The following ZNF143 variants were observed in gnomAD, a reference collection of about 807,000 sequenced individuals.
ZNF143 encodes the protein SPH-binding factor.
Under a neutral mutation model 74.1 loss-of-function variants are expected in ZNF143, and 49 were observed. The observed-to-expected ratio is 0.66, with a 90% CI of 0.53 to 0.84. The LOEUF (loss-of-function observed/expected upper bound fraction) is 0.84. Among genes scored for constraint, ZNF143 ranks in the 40% least tolerant of loss-of-function variants. The pLI, the probability that ZNF143 is intolerant of heterozygous loss-of-function variation, is 0.00. For synonymous variants in ZNF143, 304 were observed against 282.8 expected (o/e 1.07, Z -0.75); for missense variants, 637 against 793.4 (o/e 0.80, Z 2.37).
intron 3 of ZNF143, among the ~76,000 whole-genome samples, chr11:9,473,122 G>T (rs1277284595): frequency 6.6e-6 from 1 of 152,000 alleles, no homozygotes; most frequent in Non-Finnish European, 1.5e-5. Context: ...CGGGCATGGT[G>T]GTTCACGCCT....
chr11:9,463,277 T>G (rs1455175472), intron 1 of ZNF143, among the ~76,000 whole-genome samples: 1 of 152,226 alleles, frequency 6.6e-6, no homozygotes, highest in Non-Finnish European at 1.5e-5. Flanking sequence ...AGGTTTTCAT[T>G]TCTCTTGGGA....
intron 7 of ZNF143, among the ~76,000 whole-genome samples, chr11:9,491,221 TAAAATG>T (rs1043456084): frequency 2.0e-5 from 3 of 152,066 alleles, no homozygotes; most frequent in African/African-American, 7.2e-5. Flanking sequence ...TCCAGTCTCT[TAAAATG>T]AAACAAGAAA....
chr11:9,500,214 T>C (rs564107385), intron 10 of ZNF143, among the ~76,000 whole-genome samples: 3 of 152,242 alleles, frequency 2.0e-5, no homozygotes, highest in South Asian at 4.1e-4. Context: ...CTCAAAGTGC[T>C]GGGATTACAG....
chr11:9,477,294 C>T (rs576210371), intron 5 of ZNF143, among the ~76,000 whole-genome samples: 45 of 136,428 alleles, frequency 3.3e-4, no homozygotes, highest in African/African-American at 1.3e-3. Context: ...CTTGCTCTGT[C>T]ACCAGGCTGG....
At chr11:9,525,490 A>G in intron 15 of ZNF143, 104 bp downstream of exon 15, 1 of 1,445,492 alleles carries the variant, frequency 6.9e-7, no homozygotes. Context: ...GGCAAGGTGT[A>G]GAATAATCTC....
chr11:9,516,451 A>C (rs1367578921), intron 14 of ZNF143, 89 bp downstream of exon 14: 1 of 1,275,866 alleles, frequency 7.8e-7, no homozygotes, highest in East Asian at 2.6e-5. Flanking sequence ...ACAGTTAAGC[A>C]CACAAACTTG....
At chr11:9,461,566 C>T (rs1428993142) in intron 1 of ZNF143, 1 of 152,150 alleles carries the variant, frequency 6.6e-6, no homozygotes, top group African/African-American at 2.4e-5. Context: ...CCTCCCAGGA[C>T]CTGCCGGTCT....
intron 2 of ZNF143, among the ~76,000 whole-genome samples, chr11:9,472,250 C>G (rs557013554): frequency 2.3e-4 from 35 of 151,618 alleles, no homozygotes; most frequent in African/African-American, 6.0e-4. Context: ...AGTGCTAAAT[C>G]TCACTTTTTT....
intron 1 of ZNF143, among the ~76,000 whole-genome samples, chr11:9,464,592 C>A (rs1856078486): frequency 6.6e-6 from 1 of 151,690 alleles, no homozygotes; most frequent in Admixed American, 6.6e-5. Context: ...CAGAACAAGA[C>A]CCTGTCTCAA....
chr11:9,473,907 G>T, intron 3 of ZNF143, 34 bp from the exon 4 acceptor site: 2 of 1,613,324 alleles, frequency 1.2e-6, no homozygotes, highest in Admixed American at 3.3e-5. Context: ...ATTTTTGTTT[G>T]TGCCAATTTA....
chr11:9,471,569 C>T (rs1334035677), intron 2 of ZNF143, 149 bp downstream of exon 2: 15 of 519,728 alleles, frequency 2.9e-5, no homozygotes, highest in Admixed American at 4.1e-5. Flanking sequence ...TTTTTTGAAA[C>T]GGGACGGAGT....
In ZNF143 at chr11:9,485,192, G is replaced by A. The variant is rs538186950; in HGVS notation, c.645+5646G>A. On this transcript the variant is annotated intron_variant, in intron 7 of 15. Transcript: ENST00000396602. ...AAAATGACCCGTAATCTTACTCTAC[G>A]TATCTATTTTACATATTTTTAAATA... Among the ~76,000 whole-genome samples the A allele has an allele frequency of 4.6e-4, 70 of 150,936 alleles. 1 individual carries two copies. Among genetic ancestry groups the A allele is most frequent in the African/African-American group, 1.0e-3 (41 of 40,560 alleles).
At chr11:9,473,804 T>C (rs1230385764) in intron 3 of ZNF143, 137 bp from the exon 4 acceptor site, 9 of 1,570,674 alleles carry the variant, frequency 5.7e-6, no homozygotes, top group African/African-American at 1.4e-5. Context: ...TTGAATTGCC[T>C]CAGAACATTG....
At chr11:9,526,182 C>T (rs1849120502) in intron 15 of ZNF143, among the ~76,000 whole-genome samples, 1 of 151,766 alleles carries the variant, frequency 6.6e-6, no homozygotes. Flanking sequence ...TGACGAAACC[C>T]CATCTCTACA....
chr11:9,526,123 T>C (rs762459628), intron 15 of ZNF143, among the ~76,000 whole-genome samples: 2 of 149,740 alleles, frequency 1.3e-5, no homozygotes, highest in Non-Finnish European at 3.0e-5. Context: ...CCCGCCTGGG[T>C]AACAAATGAG....
At chr11:9,495,834 G>A (rs371808971) in intron 8 of ZNF143, among the ~76,000 whole-genome samples, 2 of 152,190 alleles carry the variant, frequency 1.3e-5, no homozygotes, top group Non-Finnish European at 2.9e-5. Flanking sequence ...AACCCTCTAT[G>A]GTAGATACTA....
intron 13 of ZNF143, 84 bp from the exon 14 acceptor site, chr11:9,516,117 A>G (rs928007252): frequency 3.0e-6 from 4 of 1,343,978 alleles, no homozygotes; most frequent in Non-Finnish European, 3.1e-6. Context: ...GCAAACTTAT[A>G]CAAGGATTAG....
intron 7 of ZNF143, among the ~76,000 whole-genome samples, chr11:9,490,677 A>G (rs181956279): frequency 1.3e-5 from 2 of 152,142 alleles, no homozygotes; most frequent in African/African-American, 4.8e-5. Context: ...AGTTATTAAA[A>G]TAATAGTTGA....
intron 2 of ZNF143, 91 bp from the exon 3 acceptor site, chr11:9,472,586 T>C: frequency 8.7e-7 from 1 of 1,144,302 alleles, no homozygotes; most frequent in East Asian, 2.4e-5. Flanking sequence ...TTAAGCAGTT[T>C]ACCTTTTTTC....
Sources: allele counts gnomAD v4.1 joint callset (sites outside exome capture counted in the v4.1 genomes callset), GRCh38; gene constraint gnomAD v4.1.1; transcripts MANE v1.5; gene names NCBI Gene and HGNC (gene_info 2026-07-23, HGNC 2026-07-21).